DMBT1: variants seen among roughly 807,000 people sequenced by gnomAD.
DMBT1 encodes the protein deleted in malignant brain tumors 1, also known as scavenger receptor cysteine-rich domain-containing protein DMBT1.
A neutral mutation model predicts 252.9 loss-of-function variants in DMBT1; 198 were observed. The observed-to-expected ratio is 0.78, with a 90% CI of 0.70 to 0.88. The LOEUF (loss-of-function observed/expected upper bound fraction) is 0.88. Among genes scored for constraint, DMBT1 ranks in the 40% least tolerant of loss-of-function variants. The pLI is 0.00. For synonymous variants in DMBT1, 990 were observed against 942.7 expected, an observed-to-expected ratio of 1.05 and a Z score of -0.92; for missense variants, 2,432 against 2,404.7, an observed-to-expected ratio of 1.01 and a Z score of -0.24.
intron 27 of DMBT1, among the ~76,000 whole-genome samples, chr10:122,600,546 CAG>C (rs2097939991): frequency 6.6e-6 from 1 of 152,190 alleles, no homozygotes; most frequent in South Asian, 2.1e-4. Flanking sequence ...CCAGAAAAGG[CAG>C]AGTTTGTGCT....
intron 24 of DMBT1, 130 bp from the exon 25 acceptor site, chr10:122,597,844 C>G: frequency 7.3e-7 from 1 of 1,377,370 alleles, no homozygotes; most frequent in Non-Finnish European, 1.0e-6. Context: ...TGGGCAGACA[C>G]ATGGGGAGCA....
intron 3 of DMBT1, 115 bp from the exon 4 acceptor site, chr10:122,570,775 G>A: frequency 2.3e-6 from 3 of 1,294,512 alleles, no homozygotes; most frequent in Admixed American, 3.4e-5. Flanking sequence ...TAGCAATGGA[G>A]GTTGCCCTTA....
chr10:122,568,272 G>C (rs1033834587), intron 2 of DMBT1, among the ~76,000 whole-genome samples: 6 of 152,138 alleles, frequency 3.9e-5, no homozygotes, highest in Admixed American at 2.6e-4. Flanking sequence ...GATGATGTGG[G>C]GGGTAGGATG....
rs2097842633 is a variant in DMBT1, at chr10:122,590,669, C to G, written c.2112C>G (p.Ala704=). The change falls in exon 18 of 56, where the codon GCC becomes GCG. Residue 704 remains alanine (A), a synonymous_variant. Coordinates refer to ENST00000338354, the MANE Select transcript of DMBT1 (RefSeq NM_001377530.1). ...HEDAGVICSA[A]QSRSTPRPDT... is the part of the protein sequence containing the mutation. ...CTGACCTCCTCTTTCTCACAGCTGCCCAGTCCCGGTCGACGCCCAGGCCAG... is the reference window on the plus strand; with the variant it reads ...CTGACCTCCTCTTTCTCACAGCTGCGCAGTCCCGGTCGACGCCCAGGCCAG... The G allele has an allele frequency of 6.3e-7, 1 of 1,587,878 alleles. No individual in the cohort carries two copies. Among genetic ancestry groups the G allele is most frequent in the Non-Finnish European group, 8.6e-7 (1 of 1,165,418 alleles).
intron 27 of DMBT1, among the ~76,000 whole-genome samples, chr10:122,600,364 G>A (rs1367816465): frequency 1.3e-5 from 2 of 152,136 alleles, no homozygotes; most frequent in African/African-American, 4.8e-5. Flanking sequence ...GGTTCAGGAA[G>A]TGGCCCCATG....
At chr10:122,591,451 T>C in intron 18 of DMBT1, 28 bp from the exon 19 acceptor site, 1 of 1,580,646 alleles carries the variant, frequency 6.3e-7, no homozygotes, top group Admixed American at 1.7e-5. Flanking sequence ...ACTTTAATTC[T>C]AGCCTTTGTC....
At chr10:122,617,339 C>A in intron 40 of DMBT1, 79 bp downstream of exon 40, 1 of 1,508,426 alleles carries the variant, frequency 6.6e-7, no homozygotes, top group Non-Finnish European at 9.1e-7. Context: ...GGATGAGGCT[C>A]AAGGTGGGCC....
chr10:122,563,246 G>T (rs943198192), intron 1 of DMBT1, among the ~76,000 whole-genome samples: 13 of 152,194 alleles, frequency 8.5e-5, no homozygotes, highest in Admixed American at 6.5e-4. Context: ...GATCCTCTGT[G>T]ACCCTCAGTT....
chr10:122,562,398 G>C (rs1313934362), intron 1 of DMBT1, among the ~76,000 whole-genome samples: 1 of 152,162 alleles, frequency 6.6e-6, no homozygotes, highest in African/African-American at 2.4e-5. Flanking sequence ...TCCCACCCAG[G>C]TGGTAGGGAG....
intron 54 of DMBT1, among the ~76,000 whole-genome samples, chr10:122,637,822 T>G (rs1843736930): frequency 6.6e-6 from 1 of 152,230 alleles, no homozygotes; most frequent in African/African-American, 2.4e-5. Context: ...TTCAGCTTCA[T>G]TAGCTCCATA....
At position 122,631,255 on chromosome 10, in the gene DMBT1, G is replaced by T; in HGVS notation, c.6320G>T (p.Arg2107Leu). The change falls in exon 49 of 56, where the codon CGT (arginine) becomes CTT (leucine). Residue 2107 changes from arginine (R) to leucine (L), a missense_variant. Arg to Leu is a moderately radical substitution (Grantham distance 102). This residue lies in a region of DMBT1 where 1,162 missense variants were observed against 1,169.0 expected (regional missense o/e 0.99). Transcript: ENST00000338354. ...RGWFSHNCNH[R>L]EDAGVICSGN... ...TGGTTCTCCCACAACTGTAATCATC[G>T]TGAAGATGCTGGTGTCATCTGCTCA... The T allele has an allele frequency of 6.2e-7, 1 of 1,613,960 alleles. No individual in the cohort carries two copies. The highest frequency in any genetic ancestry group is 8.5e-7 in the Non-Finnish European group (1 of 1,179,878).
At chr10:122,578,799 A>T in intron 9 of DMBT1, 40 bp downstream of exon 9, 7 of 1,546,878 alleles carry the variant, frequency 4.5e-6, no homozygotes, top group Non-Finnish European at 6.2e-6. Flanking sequence ...CTCACTTTCT[A>T]CCTCTGGATA....
chr10:122,560,887 C>T (rs1249337680), intron 1 of DMBT1, 56 bp downstream of exon 1: 1 of 1,294,584 alleles, frequency 7.7e-7, no homozygotes, highest in East Asian at 2.5e-5. Flanking sequence ...CCAATCATGG[C>T]AAATTATATC....
chr10:122,625,443 C>T (rs191341240), intron 45 of DMBT1, 140 bp downstream of exon 45: 139 of 845,328 alleles, frequency 1.6e-4, no homozygotes, highest in African/African-American at 7.4e-4. Context: ...GTTAGGGTGA[C>T]GAGCTGAGTT....
intron 25 of DMBT1, 80 bp from the exon 26 acceptor site, chr10:122,598,694 C>T: frequency 6.2e-7 from 1 of 1,603,710 alleles, no homozygotes; most frequent in African/African-American, 1.3e-5. Flanking sequence ...GCCATTAGGA[C>T]ATGCCTTGAG....
At chr10:122,632,193 T>C (rs1331679144) in intron 50 of DMBT1, among the ~76,000 whole-genome samples, 1 of 152,142 alleles carries the variant, frequency 6.6e-6, no homozygotes, top group East Asian at 1.9e-4. Context: ...GCAGAGCTCC[T>C]CCCTGCCTGC....
intron 25 of DMBT1, 66 bp from the exon 26 acceptor site, chr10:122,598,708 G>T: frequency 6.2e-7 from 1 of 1,610,096 alleles, no homozygotes; most frequent in East Asian, 2.2e-5. Flanking sequence ...CCTTGAGTGT[G>T]GAACATTCCT....
At chr10:122,586,792 C>A (rs555404591) in intron 16 of DMBT1, among the ~76,000 whole-genome samples, 1 of 148,418 alleles carries the variant, frequency 6.7e-6, no homozygotes, top group Non-Finnish European at 1.5e-5. Flanking sequence ...CTGCTGAGGA[C>A]CTCAGGCTGC....
Position 122,620,277 on chromosome 10 carries a change from C to A in DMBT1, c.5270C>A (p.Pro1757Gln), listed in dbSNP as rs374102516. 6.2e-7 allele frequency: 1 copy of A among 1,613,948 alleles called. No homozygotes were observed. The highest frequency in any genetic ancestry group is 2.2e-5 in the East Asian group (1 of 44,868). Residue 1757 changes from proline to glutamine, a missense_variant, in exon 43 of 56, where the codon CCG becomes CAG. By Grantham distance (76) the Pro-to-Gln change is moderately conservative (BLOSUM62 -1). This residue lies in a region of DMBT1 where 1,162 missense variants were observed against 1,169.0 expected (regional missense o/e 0.99). Coordinates refer to ENST00000338354, the MANE Select transcript of DMBT1 (RefSeq NM_001377530.1). ...GATACTTGGCTGACCACCAACTTAC[C>A]GGCATTGACAGTAGGTAAATAATCC... ...RPDTWLTTNL[P>Q]ALTVGSESSL...
Sources: gnomAD v4.1 joint callset for allele counts (sites outside exome capture counted in the v4.1 genomes callset) on GRCh38, gnomAD v4.1.1 for gene constraint, gnomAD v4.1.1 regional missense constraint, MANE v1.5 for transcripts, NCBI Gene and HGNC (gene_info 2026-07-23, HGNC 2026-07-21) for gene names.